PPP2R3A: variants seen among roughly 807,000 people sequenced by gnomAD.
PPP2R3A encodes the protein serine/threonine-protein phosphatase 2A regulatory subunit B'' subunit alpha.
Under a neutral mutation model 106.9 loss-of-function variants are expected in PPP2R3A, and 80 were observed. That is an observed-to-expected ratio of 0.75 (90% CI 0.62 to 0.90). The LOEUF (loss-of-function observed/expected upper bound fraction) is 0.90. Among genes scored for constraint, PPP2R3A ranks in the 40% least tolerant of loss-of-function variants. PPP2R3A has a pLI of 0.00. For missense variants in PPP2R3A, 1,386 were observed against 1,350.4 expected, an observed-to-expected ratio of 1.03 and a Z score of -0.41; for synonymous variants, 483 against 468.3, an observed-to-expected ratio of 1.03 and a Z score of -0.41.
At chr3:136,020,659 T>G (rs1934434298) in intron 2 of PPP2R3A, among the ~76,000 whole-genome samples, 1 of 152,102 alleles carries the variant, frequency 6.6e-6, no homozygotes, top group African/African-American at 2.4e-5. Flanking sequence ...GAATAATTAC[T>G]GTGAAAAGTA....
At chr3:136,080,543 C>G (rs192093753) in intron 7 of PPP2R3A, among the ~76,000 whole-genome samples, 46 of 152,292 alleles carry the variant, frequency 3.0e-4, no homozygotes, top group Admixed American at 3.0e-3. Flanking sequence ...CGCTTTGCTT[C>G]TAAATATGTG....
chr3:136,063,027 A>G (rs1324075010), intron 5 of PPP2R3A, among the ~76,000 whole-genome samples: 8 of 152,220 alleles, frequency 5.3e-5, no homozygotes, highest in Admixed American at 5.2e-4. Context: ...ACTATACTAC[A>G]AGGCTACAAT....
intron 3 of PPP2R3A, among the ~76,000 whole-genome samples, chr3:136,034,572 T>A (rs1935021148): frequency 6.6e-6 from 1 of 152,236 alleles, no homozygotes; most frequent in Admixed American, 6.5e-5. Flanking sequence ...TTTATTCCAC[T>A]GTAGTCTGAG....
At chr3:136,079,506 T>C (rs1559907601) in intron 7 of PPP2R3A, among the ~76,000 whole-genome samples, 1 of 151,788 alleles carries the variant, frequency 6.6e-6, no homozygotes, top group Non-Finnish European at 1.5e-5. Context: ...CCTTCTGGAT[T>C]CAAGTGATTC....
chr3:136,128,805 T>C lies in PPP2R3A; in HGVS notation c.3330-16238T>C, dbSNP rs561699739. Among the ~76,000 whole-genome samples, 6 of 152,084 alleles carry C rather than the reference T, an allele frequency of 3.9e-5. No individual in the cohort carries two copies. In the East Asian group the frequency reaches 9.7e-4, roughly 25 times the overall value. ...TCAGCAAATGTAAAAGAACAGAAAT[T>C]ATAACAAACTGTCTCTCAGACCACA... On this transcript the variant is annotated intron_variant, in intron 13 of 13. Transcript: ENST00000264977.
rs762408777 is a variant in PPP2R3A at position 136,002,505 on chromosome 3, ATGT to A, written c.1011_1013del (p.Val338del). 1.9e-5 allele frequency: 30 copies of A among 1,614,108 alleles called. No individual in the cohort carries two copies. In the East Asian group the frequency reaches 3.8e-4, roughly 20 times the overall value. On this transcript the variant is annotated inframe_deletion, in exon 2 of 14. Coordinates refer to ENST00000264977, the MANE Select transcript of PPP2R3A (RefSeq NM_002718.5). ...ACTGAACAACCCCCTAAATATGAAG[ATGT>A]TGTCCAGCTCTCAGCTTCTGACTCT...
intron 11 of PPP2R3A, 40 bp from the exon 12 acceptor site, chr3:136,103,218 C>T (rs1369406097): frequency 1.4e-6 from 2 of 1,390,170 alleles, no homozygotes; most frequent in Non-Finnish European, 2.0e-6. Context: ...GCCAAAACAG[C>T]TCTTGATGAA....
At chr3:136,141,060 A>G (rs1031516946) in intron 13 of PPP2R3A, among the ~76,000 whole-genome samples, 2 of 152,246 alleles carry the variant, frequency 1.3e-5, no homozygotes, top group African/African-American at 4.8e-5. Flanking sequence ...CCTAGTGCCA[A>G]TCACTGTACT....
intron 1 of PPP2R3A, among the ~76,000 whole-genome samples, chr3:135,968,782 A>G (rs1353408983): frequency 6.6e-6 from 1 of 152,202 alleles, no homozygotes; most frequent in South Asian, 2.1e-4. Flanking sequence ...CATTCAAGGA[A>G]ATGCATATCT....
At position 136,047,926 on chromosome 3, in the gene PPP2R3A, A is replaced by G. The variant is rs141576763; in HGVS notation, c.2367-1333A>G. On this transcript the variant is annotated intron_variant, in intron 4 of 13. Transcript: ENST00000264977. ...TCTCAAAAAAAAAAAAAAGATGAGAACAGTAGACACTGGGGAATACAAGAA... is the reference window on the plus strand; with the variant it reads ...TCTCAAAAAAAAAAAAAAGATGAGAGCAGTAGACACTGGGGAATACAAGAA... 5.3e-3 allele frequency among the ~76,000 whole-genome samples: 804 copies of G among 152,022 alleles called. 3 individuals are homozygous for G. Among genetic ancestry groups the G allele is most frequent in the Non-Finnish European group, 7.9e-3 (534 of 67,946 alleles).
At chr3:136,113,122 A>G (rs1249428884) in intron 13 of PPP2R3A, among the ~76,000 whole-genome samples, 1 of 151,420 alleles carries the variant, frequency 6.6e-6, no homozygotes, top group East Asian at 1.9e-4. Flanking sequence ...AACAAAAGAA[A>G]AAAAAAATCA....
At chr3:136,049,954 C>A (rs974627680) in intron 5 of PPP2R3A, among the ~76,000 whole-genome samples, 4 of 151,746 alleles carry the variant, frequency 2.6e-5, no homozygotes, top group African/African-American at 7.3e-5. Flanking sequence ...CTGCAAAAAA[C>A]AGACTACACC....
intron 3 of PPP2R3A, among the ~76,000 whole-genome samples, chr3:136,035,114 T>G (rs1003755878): frequency 6.6e-6 from 1 of 152,194 alleles, no homozygotes; most frequent in Non-Finnish European, 1.5e-5. Flanking sequence ...TCCTTATGTG[T>G]TAGGTGAGTC....
chr3:136,085,573 C>A (rs1936906425), intron 8 of PPP2R3A, among the ~76,000 whole-genome samples: 1 of 152,044 alleles, frequency 6.6e-6, no homozygotes, highest in Admixed American at 6.5e-5. Flanking sequence ...ATCCACCACA[C>A]CTGGCCTGAT....
At chr3:136,132,018 G>A (rs567111947) in intron 13 of PPP2R3A, among the ~76,000 whole-genome samples, 1 of 150,812 alleles carries the variant, frequency 6.6e-6, no homozygotes, top group Non-Finnish European at 1.5e-5. Flanking sequence ...GTCAGGGGGT[G>A]GGGGGGGCTG....
At chr3:136,033,368 CTGG>C in intron 3 of PPP2R3A, among the ~76,000 whole-genome samples, 1 of 152,208 alleles carries the variant, frequency 6.6e-6, no homozygotes, top group Non-Finnish European at 1.5e-5. Context: ...TCCTCCTTTC[CTGG>C]TTTTGGTATT....
rs752024241 is a variant in PPP2R3A, at chr3:136,145,195, G to T, written c.*29G>T. On this transcript the variant is annotated 3_prime_UTR_variant, in exon 14 of 14. Coordinates refer to ENST00000264977, the MANE Select transcript of PPP2R3A (RefSeq NM_002718.5). ...CCGGTGTCTACAATGAAACGAAGATGTGTATTTTAAATGTTTCTTTCTTGT... is the reference window on the plus strand; with the variant it reads ...CCGGTGTCTACAATGAAACGAAGATTTGTATTTTAAATGTTTCTTTCTTGT... 1 of 1,586,292 alleles carries T rather than the reference G, an allele frequency of 6.3e-7. No individual in the cohort carries two copies. The highest frequency in any genetic ancestry group is 8.5e-7 in the Non-Finnish European group (1 of 1,170,276).
At chr3:136,060,828 A>ATGGTT (rs1389934515) in intron 5 of PPP2R3A, among the ~76,000 whole-genome samples, 1 of 152,324 alleles carries the variant, frequency 6.6e-6, no homozygotes, top group East Asian at 1.9e-4. Flanking sequence ...ATCATACAAC[A>ATGGTT]TGGTTACTAC....
intron 3 of PPP2R3A, among the ~76,000 whole-genome samples, chr3:136,031,778 T>A (rs1022611989): frequency 2.0e-5 from 3 of 152,226 alleles, no homozygotes; most frequent in Admixed American, 1.3e-4. Flanking sequence ...CCCTGCTTTA[T>A]GTTTTTGTTT....
Sources: allele counts gnomAD v4.1 joint callset (sites outside exome capture counted in the v4.1 genomes callset), GRCh38; gene constraint gnomAD v4.1.1; transcripts MANE v1.5; gene names NCBI Gene and HGNC (gene_info 2026-07-23, HGNC 2026-07-21).